The following KMT2C variants were observed in gnomAD, a reference collection of about 807,000 sequenced individuals.
KMT2C encodes lysine methyltransferase 2C, also known as histone-lysine N-methyltransferase 2C.
A neutral mutation model predicts 507.9 loss-of-function variants in KMT2C; 88 were observed. The ratio of observed to expected loss-of-function variants is 0.17; its 90% confidence interval spans 0.15 to 0.21. KMT2C has a LOEUF of 0.21. Ranked by LOEUF, KMT2C falls within the 10% of genes least tolerant of loss-of-function variation. KMT2C has a pLI of 1.00. For missense variants in KMT2C, 4,954 were observed against 5,957.8 expected (o/e 0.83, Z 5.55); for synonymous variants, 2,049 against 2,080.8 (o/e 0.98, Z 0.42).
At chr7:152,280,008 A>T (rs1449145988) in intron 6 of KMT2C, among the ~76,000 whole-genome samples, 1 of 152,310 alleles carries the variant, frequency 6.6e-6, no homozygotes, top group Admixed American at 6.5e-5. Flanking sequence ...GGAATTCTGC[A>T]GATGTGATTA....
intron 9 of KMT2C, 29 bp from the exon 10 acceptor site, chr7:152,252,744 A>G (rs760471884): frequency 6.6e-7 from 1 of 1,521,206 alleles, no homozygotes; most frequent in South Asian, 1.2e-5. Flanking sequence ...AAAAACAAAA[A>G]CAGTTTGTTA....
chr7:152,176,634 G>A lies in KMT2C; in HGVS notation c.8819C>T (p.Pro2940Leu), dbSNP rs1011541977. The A allele has an allele frequency of 5.0e-6, 8 of 1,614,204 alleles. No individual in the cohort carries two copies. Among genetic ancestry groups the A allele is most frequent in the Admixed American group, 3.3e-5 (2 of 60,024 alleles). The stretch of plus-strand genomic sequence containing the variant: ...GGATGGGGAGGCCGGCAGAGTTGGT[G>A]GTGGTGGAGACCCCGATGGCCTAAT... Reference protein sequence around the residue: ...SDIRPSGSPPPPTLPASPSNH... With the variant: ...SDIRPSGSPPLPTLPASPSNH... Residue 2940 changes from proline (P) to leucine (L), a missense_variant, in exon 38 of 59, where the codon CCA becomes CTA. By Grantham distance (98) the Pro-to-Leu change is moderately conservative. Around this residue, in one of 29 missense-constraint regions of KMT2C, gnomAD observed 1,689 missense variants for 1,654.3 expected, o/e 1.02. Transcript: ENST00000262189.
intron 2 of KMT2C, among the ~76,000 whole-genome samples, chr7:152,357,437 T>C (rs776501791): frequency 6.6e-6 from 1 of 151,748 alleles, no homozygotes; most frequent in Non-Finnish European, 1.5e-5. Context: ...CGCAGGAGAA[T>C]GGCATGAACC....
intron 6 of KMT2C, among the ~76,000 whole-genome samples, chr7:152,284,813 C>T (rs1421884800): frequency 6.6e-6 from 1 of 152,208 alleles, no homozygotes; most frequent in Non-Finnish European, 1.5e-5. Context: ...TAAAAAGAGG[C>T]TCAATCTAAT....
intron 28 of KMT2C, chr7:152,195,490 A>C (rs2093935587): frequency 2.1e-6 from 2 of 963,880 alleles, no homozygotes; most frequent in Non-Finnish European, 2.5e-6. Flanking sequence ...GACTACTTCT[A>C]GTCAGCCGTC....
intron 14 of KMT2C, among the ~76,000 whole-genome samples, chr7:152,243,539 T>C (rs74777772): frequency 1.3e-5 from 2 of 152,314 alleles, no homozygotes; most frequent in Middle Eastern, 3.4e-3. Flanking sequence ...CCCAGCACTT[T>C]GGGAGGACAA....
chr7:152,352,116 G>GC (rs1215799626), intron 2 of KMT2C, among the ~76,000 whole-genome samples: 1 of 152,196 alleles, frequency 6.6e-6, no homozygotes, highest in African/African-American at 2.4e-5. Flanking sequence ...GAAAGCAAAT[G>GC]CATCCCTGAG....
At chr7:152,414,178 C>A (rs1313703676) in intron 1 of KMT2C, among the ~76,000 whole-genome samples, 1 of 151,132 alleles carries the variant, frequency 6.6e-6, no homozygotes, top group African/African-American at 2.4e-5. Flanking sequence ...CCACTGCACT[C>A]CAGCCTGGGC....
chr7:152,219,284 A>T (rs2094689827), intron 23 of KMT2C, among the ~76,000 whole-genome samples: 1 of 148,752 alleles, frequency 6.7e-6, no homozygotes, highest in African/African-American at 2.6e-5. Flanking sequence ...AATTCTTATC[A>T]AACTTTATTT....
intron 1 of KMT2C, among the ~76,000 whole-genome samples, chr7:152,360,371 A>G (rs2129233163): frequency 1.3e-5 from 2 of 150,870 alleles, no homozygotes; most frequent in East Asian, 2.0e-4. Context: ...CCAGCTACTC[A>G]GGAGGCTGAG....
intron 6 of KMT2C, among the ~76,000 whole-genome samples, chr7:152,275,680 T>C (rs1464215715): frequency 6.6e-6 from 1 of 152,170 alleles, no homozygotes; most frequent in African/African-American, 2.4e-5. Context: ...ATATGTTTAG[T>C]GCATTAACAG....
intron 31 of KMT2C, among the ~76,000 whole-genome samples, chr7:152,188,231 A>G (rs1337931038): frequency 1.3e-5 from 2 of 152,216 alleles, no homozygotes; most frequent in Non-Finnish European, 2.9e-5. Context: ...AGATTTTGAA[A>G]TATGATCTCT....
chr7:152,394,300 CA>C (rs2097523501), intron 1 of KMT2C, among the ~76,000 whole-genome samples: 1 of 152,298 alleles, frequency 6.6e-6, no homozygotes, highest in South Asian at 2.1e-4. Flanking sequence ...GAGTAAAAGT[CA>C]AAAGATCTCA....
chr7:152,373,504 A>C (rs909000055), intron 1 of KMT2C, among the ~76,000 whole-genome samples: 1 of 152,228 alleles, frequency 6.6e-6, no homozygotes, highest in Non-Finnish European at 1.5e-5. Context: ...TTCACAGGGA[A>C]TCAAACTTTA....
At chr7:152,367,728 T>C in intron 1 of KMT2C, 1 of 1,184,296 alleles carries the variant, frequency 8.4e-7, no homozygotes, top group African/African-American at 1.5e-5. Context: ...TAGTAATTGC[T>C]GGCAGCCTCT....
At chr7:152,380,980 G>T (rs1452277867) in intron 1 of KMT2C, among the ~76,000 whole-genome samples, 1 of 152,366 alleles carries the variant, frequency 6.6e-6, no homozygotes, top group African/African-American at 2.4e-5. Context: ...AAGTTTTACA[G>T]CAAAAAGTAT....
chr7:152,156,375 A>G, intron 44 of KMT2C, 29 bp from the exon 45 acceptor site: 1 of 1,612,294 alleles, frequency 6.2e-7, no homozygotes, highest in Non-Finnish European at 8.5e-7. Flanking sequence ...TTTAAATTAT[A>G]TGCTACTGAG....
intron 38 of KMT2C, among the ~76,000 whole-genome samples, 187 bp from the exon 39 acceptor site, chr7:152,174,429 T>C (rs2093104527): frequency 6.6e-6 from 1 of 152,160 alleles, no homozygotes; most frequent in South Asian, 2.1e-4. Flanking sequence ...TTTAATACCT[T>C]AGTCCTGCAG....
chr7:152,340,677 C>T (rs1390323605), intron 2 of KMT2C, among the ~76,000 whole-genome samples: 1 of 152,142 alleles, frequency 6.6e-6, no homozygotes, highest in Non-Finnish European at 1.5e-5. Flanking sequence ...AAAAAAAGCA[C>T]TAATTTTCTC....
Sources: gnomAD v4.1 joint callset for allele counts (sites outside exome capture counted in the v4.1 genomes callset) on GRCh38, gnomAD v4.1.1 for gene constraint, gnomAD v4.1.1 regional missense constraint, MANE v1.5 for transcripts, NCBI Gene and HGNC (gene_info 2026-07-23, HGNC 2026-07-21) for gene names.